CEP164: variants seen among roughly 807,000 people sequenced by gnomAD.
CEP164 encodes centrosomal protein 164, also known as centrosomal protein of 164 kDa.
A neutral mutation model predicts 182.7 loss-of-function variants in CEP164; 162 were observed. The observed-to-expected ratio is 0.89, with a 90% CI of 0.78 to 1.01. The LOEUF (loss-of-function observed/expected upper bound fraction) is 1.01. CEP164 is among the 50% of genes least tolerant of loss of function. The pLI is 0.00. For synonymous variants in CEP164, 661 were observed against 690.0 expected (o/e 0.96, Z 0.66); for missense variants, 1,735 against 1,790.4 (o/e 0.97, Z 0.56).
intron 28 of CEP164, 67 bp downstream of exon 28, chr11:117,408,099 G>T (rs1412155802): frequency 8.0e-7 from 1 of 1,247,836 alleles, no homozygotes; most frequent in African/African-American, 1.5e-5. Context: ...GGATTGGGTT[G>T]AGTTCTTTGG....
Position 117,362,422 on chromosome 11 carries a change from A to AC in CEP164, c.573dup (p.Ser192LeufsTer13). ...TTTGAAGCCTTCACAGGGTCTCAAG[A>AC]CCTCTGCTTATACAAAGGGTCTCTT... On this transcript the variant is annotated frameshift_variant, in exon 7 of 33. Coordinates refer to ENST00000278935, the MANE Select transcript of CEP164 (RefSeq NM_014956.5). LOFTEE classifies it high-confidence loss of function. 1.2e-6 allele frequency: 2 copies of AC among 1,613,180 alleles called. No individual in the cohort carries two copies.
intron 9 of CEP164, among the ~76,000 whole-genome samples, chr11:117,373,052 A>C (rs780686924): frequency 6.6e-6 from 1 of 152,100 alleles, no homozygotes; most frequent in Non-Finnish European, 1.5e-5. Flanking sequence ...TCCTCCAGGT[A>C]GATGATGAGG....
At chr11:117,352,012 C>T in intron 5 of CEP164, 24 bp downstream of exon 5, 1 of 1,547,482 alleles carries the variant, frequency 6.5e-7, no homozygotes, top group Non-Finnish European at 8.7e-7. Context: ...TGCCTCCTCC[C>T]AGAGAGGCCA....
chr11:117,340,797 T>C (rs1329858668), intron 3 of CEP164, among the ~76,000 whole-genome samples: 2 of 152,214 alleles, frequency 1.3e-5, no homozygotes, highest in African/African-American at 4.8e-5. Flanking sequence ...GTGCAGGGAT[T>C]ACAGACATAA....
chr11:117,380,804 A>G, intron 12 of CEP164, 99 bp downstream of exon 12: 2 of 1,151,756 alleles, frequency 1.7e-6, no homozygotes, highest in Non-Finnish European at 2.5e-6. Flanking sequence ...CTCAGTGTAC[A>G]GTTGCTTGGC....
intron 5 of CEP164, chr11:117,356,118 T>C (rs188291157): frequency 2.3e-5 from 24 of 1,050,004 alleles, no homozygotes; most frequent in Non-Finnish European, 2.8e-5. Context: ...GAGGAGGGTA[T>C]GGCTCAGTCA....
chr11:117,329,120 ATGT>A (rs2035794261), intron 1 of CEP164, among the ~76,000 whole-genome samples: 1 of 152,144 alleles, frequency 6.6e-6, no homozygotes, highest in Non-Finnish European at 1.5e-5. Flanking sequence ...GGGTCTTGGT[ATGT>A]TGCCCAGGCT....
chr11:117,408,170 G>C (rs759703812), intron 28 of CEP164, 138 bp downstream of exon 28: 75 of 585,172 alleles, frequency 1.3e-4, no homozygotes, highest in Non-Finnish European at 2.2e-4. Context: ...CTTGTCTACT[G>C]GCTGATGAAG....
At chr11:117,346,325 A>G (rs200839971) in intron 4 of CEP164, among the ~76,000 whole-genome samples, 2 of 151,704 alleles carry the variant, frequency 1.3e-5, no homozygotes, top group Middle Eastern at 3.4e-3. Context: ...CTGGAGTGCA[A>G]TGGCGCAATC....
intron 10 of CEP164, among the ~76,000 whole-genome samples, chr11:117,374,361 C>T (rs2042522835): frequency 6.6e-6 from 1 of 152,168 alleles, no homozygotes; most frequent in African/African-American, 2.4e-5. Flanking sequence ...GTTTCATTTG[C>T]CAGGTCTGTA....
At chr11:117,405,248 C>T (rs2046543693) in intron 27 of CEP164, among the ~76,000 whole-genome samples, 1 of 152,160 alleles carries the variant, frequency 6.6e-6, no homozygotes, top group African/African-American at 2.4e-5. Flanking sequence ...AATGACTGCC[C>T]AGTTTTGTGC....
Position 117,338,557 on chromosome 11 carries a change from G to C in CEP164, c.-21-9G>C. On this transcript the variant is annotated splice_polypyrimidine_tract_variant and intron_variant, in intron 2 of 32. Transcript: ENST00000278935. ...TTTTTCTCTTTTGGTGGGGGCCTCT[G>C]GGATCTAGGTGTTTGAGCCCAGATG... 1 of 1,596,896 alleles carries C rather than the reference G, an allele frequency of 6.3e-7. No homozygotes were observed. Among genetic ancestry groups the C allele is most frequent in the Non-Finnish European group, 8.6e-7 (1 of 1,164,596 alleles).
intron 5 of CEP164, chr11:117,356,291 G>T: frequency 9.1e-7 from 1 of 1,103,500 alleles, no homozygotes; most frequent in South Asian, 2.1e-5. Context: ...GTGGCCGGAG[G>T]GCCTGGGGCT....
chr11:117,352,258 C>T (rs2039734380), intron 5 of CEP164, among the ~76,000 whole-genome samples: 1 of 152,104 alleles, frequency 6.6e-6, no homozygotes, highest in African/African-American at 2.4e-5. Flanking sequence ...AGAGAGTGCT[C>T]TTCTGAGAAT....
Position 117,392,900 on chromosome 11 carries a change from T to TG in CEP164, c.2494-99dup, listed in dbSNP as rs1482242286. ...TGTGATGTGCATGTGTTGTGTGTGT[T>TG]GGGGGAGATTGGGGAAATGTGTGTA... is the stretch of plus-strand genomic sequence containing the variant. On this transcript the variant is annotated intron_variant, in intron 19 of 32. Coordinates refer to ENST00000278935, the MANE Select transcript of CEP164 (RefSeq NM_014956.5). 3.3e-6 allele frequency: 5 copies of TG among 1,530,396 alleles called. No homozygotes were observed. The East Asian group carries it at 1.1e-4, about 35-fold the overall frequency. 94.8% of individuals were successfully genotyped at this position (1,530,396 alleles called of 1,614,324 possible). A position where few individuals can be genotyped will look rare whatever the true frequency, so the allele number is the denominator to read the frequency against.
At chr11:117,332,907 A>G (rs2036441270) in intron 1 of CEP164, among the ~76,000 whole-genome samples, 1 of 152,228 alleles carries the variant, frequency 6.6e-6, no homozygotes, top group Non-Finnish European at 1.5e-5. Context: ...GGCCATGTCT[A>G]GGGTGCCATA....
chr11:117,395,473 C>A, intron 23 of CEP164, 74 bp from the exon 24 acceptor site: 1 of 1,480,768 alleles, frequency 6.8e-7, no homozygotes, highest in Non-Finnish European at 9.1e-7. Context: ...GCTTCCCTAC[C>A]CTCTCGTGCT....
At position 117,390,987 on chromosome 11, in the gene CEP164, G is replaced by A; in HGVS notation, c.2067-12G>A. 6.2e-7 allele frequency: 1 copy of A among 1,614,112 alleles called. No individual in the cohort carries two copies. Among genetic ancestry groups the A allele is most frequent in the African/African-American group, 1.3e-5 (1 of 75,012 alleles). ...TGCACAGGCCCGTTACCATTCCACT[G>A]TGTCCACCCAGGGCTGAGCAAGAGG... On this transcript the variant is annotated splice_polypyrimidine_tract_variant and intron_variant, in intron 16 of 32. Coordinates refer to ENST00000278935, the MANE Select transcript of CEP164 (RefSeq NM_014956.5).
At position 117,407,909 on chromosome 11, in the gene CEP164, T is replaced by C. The variant is rs1197454049; in HGVS notation, c.3502-16T>C. 1 of 1,567,056 alleles carries C rather than the reference T, an allele frequency of 6.4e-7. No homozygotes were observed. Among genetic ancestry groups the C allele is most frequent in the Non-Finnish European group, 8.7e-7 (1 of 1,154,132 alleles). ...TGTGGGTAGTCATTTCTCCTCTGTTTTCTCCTTGGCTGCAGGAGACCAGGC... is the reference window on the plus strand; with the variant it reads ...TGTGGGTAGTCATTTCTCCTCTGTTCTCTCCTTGGCTGCAGGAGACCAGGC... On this transcript the variant is annotated splice_polypyrimidine_tract_variant and intron_variant, in intron 27 of 32. Coordinates refer to ENST00000278935, the MANE Select transcript of CEP164 (RefSeq NM_014956.5).
Sources: allele counts gnomAD v4.1 joint callset (sites outside exome capture counted in the v4.1 genomes callset), GRCh38; gene constraint gnomAD v4.1.1; transcripts MANE v1.5; gene names NCBI Gene and HGNC (gene_info 2026-07-23, HGNC 2026-07-21).